The following STMN2 variants were observed in gnomAD, a reference collection of about 807,000 sequenced individuals.
STMN2 encodes stathmin 2.
STMN2 carries 2 observed loss-of-function variants against 24.1 expected under a neutral mutation model. The observed-to-expected ratio is 0.08, with a 90% CI of 0.03 to 0.26. STMN2 has a LOEUF of 0.26. Among genes scored for constraint, STMN2 ranks in the 10% least tolerant of loss-of-function variants. The probability of loss-of-function intolerance (pLI) is 1.00; values close to 1 mark genes in which losing one functional copy is unlikely to be tolerated. For missense variants in STMN2, 114 were observed against 213.6 expected (o/e 0.53, Z 2.91); for synonymous variants, 83 against 77.5 (o/e 1.07, Z -0.37).
In STMN2 at chr8:79,624,230, G is replaced by T. The variant is rs567556891; in HGVS notation, c.20-12572G>T. ...AGCACTTTGGGTGGCCGAGGCGGGC[G>T]GATCACGAGGTCAGGAGATCGAGAC... On this transcript the variant is annotated intron_variant, in intron 1 of 4. Transcript: ENST00000220876. Among the ~76,000 whole-genome samples, 62 of 151,992 alleles carry T rather than the reference G, an allele frequency of 4.1e-4. 1 individual carries two copies. The highest frequency in any genetic ancestry group is 2.5e-3 in the South Asian group (12 of 4,804).
At chr8:79,657,920 G>A (rs1806413242) in intron 4 of STMN2, among the ~76,000 whole-genome samples, 1 of 152,158 alleles carries the variant, frequency 6.6e-6, no homozygotes, top group Admixed American at 6.5e-5. Context: ...ATTTAAAAGA[G>A]GGTCAGTAAT....
In STMN2 at chr8:79,654,918, C is replaced by T. The variant is rs759485491; in HGVS notation, c.336C>T (p.His112=). The change falls in exon 4 of 5, where the codon CAC becomes CAT. Residue 112 remains histidine, a synonymous_variant. Coordinates refer to ENST00000220876, the MANE Select transcript of STMN2 (RefSeq NM_007029.4). ...VLKQLAEKRE[H]EREVLQKALE... is the part of the protein sequence containing the mutation. ...AACAATTGGCAGAGAAGAGGGAACA[C>T]GAGCGAGAAGTCCTTCAGAAGGCTT... 2.3e-5 allele frequency: 37 copies of T among 1,613,474 alleles called. No individual in the cohort carries two copies. Among genetic ancestry groups the T allele is most frequent in the South Asian group, 1.3e-4 (12 of 91,020 alleles).
intron 1 of STMN2, among the ~76,000 whole-genome samples, chr8:79,632,557 G>A (rs1809830234): frequency 6.6e-6 from 1 of 152,142 alleles, no homozygotes. Flanking sequence ...ATCTGGTCCC[G>A]CGAATGACGT....
chr8:79,664,804 G>T lies in STMN2; in HGVS notation c.481-11G>T. 1 of 1,611,670 alleles carries T rather than the reference G, an allele frequency of 6.2e-7. No individual in the cohort carries two copies. The highest frequency in any genetic ancestry group is 8.5e-7 in the Non-Finnish European group (1 of 1,178,752). ...GCCTGTGACATTTCTTCTTCCTTTT[G>T]TGTTTTTTAGGAGAGGCATGCTGCG... On this transcript the variant is annotated splice_polypyrimidine_tract_variant and intron_variant, in intron 4 of 4. Coordinates refer to ENST00000220876, the MANE Select transcript of STMN2 (RefSeq NM_007029.4).
At chr8:79,656,031 T>C (rs934613086) in intron 4 of STMN2, among the ~76,000 whole-genome samples, 7 of 152,210 alleles carry the variant, frequency 4.6e-5, no homozygotes, top group Admixed American at 2.0e-4. Context: ...TTTCATGTCT[T>C]CTGTTAGAGA....
chr8:79,628,513 A>C (rs1435970417), intron 1 of STMN2, among the ~76,000 whole-genome samples: 1 of 152,124 alleles, frequency 6.6e-6, no homozygotes, highest in Non-Finnish European at 1.5e-5. Context: ...GGCTCTAGGA[A>C]TTTACATTCC....
chr8:79,658,983 T>C (rs1806441605), intron 4 of STMN2, among the ~76,000 whole-genome samples: 1 of 152,234 alleles, frequency 6.6e-6, no homozygotes, highest in East Asian at 1.9e-4. Context: ...GGCTCTAATA[T>C]TTAGCCGTGG....
rs1299870080 is a variant in STMN2 at position 79,665,525 on chromosome 8, G to A, written c.*651G>A. 6.5e-6 allele frequency: 1 copy of A among 154,430 alleles called. No individual in the cohort carries two copies. The highest frequency in any genetic ancestry group is 1.5e-5 in the Non-Finnish European group (1 of 68,242). 9.6% of individuals were successfully genotyped at this position (154,430 alleles called of 1,614,324 possible). A position where few individuals can be genotyped will look rare whatever the true frequency, so the allele number is the denominator to read the frequency against. ...ATGTGCTTTGGCTTTAGAAAGGGAT[G>A]GATGAGAAGACAGACCTGAGACCAA... On this transcript the variant is annotated 3_prime_UTR_variant, in exon 5 of 5. Transcript: ENST00000220876.
chr8:79,644,061 A>G (rs750414991), intron 3 of STMN2, among the ~76,000 whole-genome samples: 8 of 152,146 alleles, frequency 5.3e-5, no homozygotes, highest in Non-Finnish European at 1.5e-5. Flanking sequence ...ATTTTATTCT[A>G]TTGGGTTATA....
chr8:79,664,760 A>G (rs1806566809), intron 4 of STMN2, 55 bp from the exon 5 acceptor site: 3 of 1,587,226 alleles, frequency 1.9e-6, no homozygotes, highest in Non-Finnish European at 2.6e-6. Flanking sequence ...CATGGTACGC[A>G]AAGGACCAGA....
At position 79,657,626 on chromosome 8, in the gene STMN2, C is replaced by A. The variant is rs189382932; in HGVS notation, c.480+2564C>A. On this transcript the variant is annotated intron_variant, in intron 4 of 4. Coordinates refer to ENST00000220876, the MANE Select transcript of STMN2 (RefSeq NM_007029.4). Reference sequence around the variant, plus strand: ...GCAGCCCAGAGAAATTCTAGGACCACATTTTTTTCTGGTATTTCATAGCTA... The same window carrying A: ...GCAGCCCAGAGAAATTCTAGGACCAAATTTTTTTCTGGTATTTCATAGCTA... 1.6e-3 allele frequency among the ~76,000 whole-genome samples: 251 copies of A among 152,288 alleles called. 2 individuals carry two copies. Among genetic ancestry groups the A allele is most frequent in the African/African-American group, 5.8e-3 (239 of 41,558 alleles).
chr8:79,663,779 C>T, intron 4 of STMN2: 1 of 770,540 alleles, frequency 1.3e-6, no homozygotes. Context: ...TGATTTTAGT[C>T]ATCTGATGTA....
At chr8:79,658,038 C>T (rs1358117329) in intron 4 of STMN2, among the ~76,000 whole-genome samples, 1 of 152,140 alleles carries the variant, frequency 6.6e-6, no homozygotes, top group Non-Finnish European at 1.5e-5. Flanking sequence ...ACCTGTAATC[C>T]CAGCACTTTG....
intron 3 of STMN2, among the ~76,000 whole-genome samples, chr8:79,643,151 A>G (rs11777117): frequency 0.13 from 16,509 of 129,838 alleles, 1,075 homozygotes; most frequent in East Asian, 0.26. Context: ...GTGTGTGTGT[A>G]TATATATATA....
rs188272442 is a variant in STMN2, at chr8:79,657,261, C to T, written c.480+2199C>T. On this transcript the variant is annotated intron_variant, in intron 4 of 4. Transcript: ENST00000220876. Reference sequence around the variant, plus strand: ...TATTTCCAGAAGTGCTAGCTTTTAACGGACCATTTTTTTCCTCTGTGTGTT... The same window carrying T: ...TATTTCCAGAAGTGCTAGCTTTTAATGGACCATTTTTTTCCTCTGTGTGTT... Among the ~76,000 whole-genome samples the T allele has an allele frequency of 7.9e-5, 12 of 152,224 alleles. No homozygotes were observed. The East Asian group carries it at 1.9e-3, about 25-fold the overall frequency.
At chr8:79,624,453 C>CAAAA (rs1011493193) in intron 1 of STMN2, among the ~76,000 whole-genome samples, 493 of 42,516 alleles carry the variant, frequency 0.012, no homozygotes, top group Non-Finnish European at 0.015. Context: ...GACTCCGTCT[C>CAAAA]AAAAAAAAAA....
At chr8:79,621,074 G>A (rs1809505591) in intron 1 of STMN2, 2 of 967,574 alleles carry the variant, frequency 2.1e-6, no homozygotes, top group South Asian at 4.8e-5. Flanking sequence ...CATCAGCTCT[G>A]CCCTTCTCCA....
At chr8:79,643,967 T>G (rs1005503590) in intron 3 of STMN2, among the ~76,000 whole-genome samples, 19 of 152,004 alleles carry the variant, frequency 1.2e-4, no homozygotes, top group African/African-American at 4.1e-4. Flanking sequence ...TTTTTATGGT[T>G]TTTTTTTGTT....
chr8:79,643,168 T>TATATATATAA (rs890175290), intron 3 of STMN2, among the ~76,000 whole-genome samples: 17 of 145,286 alleles, frequency 1.2e-4, no homozygotes, highest in South Asian at 8.6e-4. Context: ...TATATATATA[T>TATATATATAA]AAAATACTAG....
Sources: allele counts gnomAD v4.1 joint callset (sites outside exome capture counted in the v4.1 genomes callset), GRCh38; gene constraint gnomAD v4.1.1; transcripts MANE v1.5; gene names NCBI Gene and HGNC (gene_info 2026-07-23, HGNC 2026-07-21).